The following TEAD1 variants were observed in gnomAD, a reference collection of about 807,000 sequenced individuals.
The protein encoded by TEAD1 is transcriptional enhancer factor TEF-1.
In TEAD1, 9 loss-of-function variants were observed where a neutral mutation model predicts 54.9. The ratio of observed to expected loss-of-function variants is 0.16; its 90% confidence interval spans 0.10 to 0.29. TEAD1 has a LOEUF of 0.29. Ranked by LOEUF, TEAD1 falls within the 10% of genes least tolerant of loss-of-function variation. The pLI is 1.00. For missense variants in TEAD1, 387 were observed against 535.9 expected (o/e 0.72, Z 2.74); for synonymous variants, 200 against 187.8 (o/e 1.07, Z -0.53).
At chr11:12,869,997 A>T (rs1947707500) in intron 5 of TEAD1, among the ~76,000 whole-genome samples, 1 of 152,070 alleles carries the variant, frequency 6.6e-6, no homozygotes, top group South Asian at 2.1e-4. Flanking sequence ...CTCCTGCCTC[A>T]GCCTCCCAAG....
At chr11:12,835,254 G>A (rs1170656810) in intron 3 of TEAD1, among the ~76,000 whole-genome samples, 1 of 152,172 alleles carries the variant, frequency 6.6e-6, no homozygotes, top group Non-Finnish European at 1.5e-5. Flanking sequence ...TGGTGATGCT[G>A]ATAGTTTATT....
intron 3 of TEAD1, among the ~76,000 whole-genome samples, chr11:12,809,704 C>T (rs547075308): frequency 2.0e-5 from 3 of 152,266 alleles, no homozygotes; most frequent in South Asian, 2.1e-4. Flanking sequence ...CAAAACGTAG[C>T]GTCCTGTGCT....
At chr11:12,801,303 GT>G (rs1290286985) in intron 3 of TEAD1, among the ~76,000 whole-genome samples, 1 of 152,186 alleles carries the variant, frequency 6.6e-6, no homozygotes, top group Non-Finnish European at 1.5e-5. Flanking sequence ...ACAGAGGAGG[GT>G]GCTAGGTTGG....
intron 9 of TEAD1, among the ~76,000 whole-genome samples, chr11:12,884,751 G>T (rs904036143): frequency 1.3e-5 from 2 of 152,194 alleles, no homozygotes; most frequent in African/African-American, 4.8e-5. Context: ...GACCAGGAAA[G>T]AGAAGAAAAG....
chr11:12,926,889 T>G (rs79021189), intron 11 of TEAD1, among the ~76,000 whole-genome samples: 2,318 of 152,260 alleles, frequency 0.015, 49 homozygotes, highest in African/African-American at 0.053. Context: ...TCCTCGCCTC[T>G]AAGAAGGAGG....
chr11:12,857,574 G>GTC (rs1370475349), intron 3 of TEAD1, among the ~76,000 whole-genome samples: 8 of 125,818 alleles, frequency 6.4e-5, no homozygotes, highest in African/African-American at 1.8e-4. Context: ...CTCTCTCTCT[G>GTC]TCTCTGTGTG....
chr11:12,776,790 A>G (rs1466869234), intron 3 of TEAD1, among the ~76,000 whole-genome samples: 2 of 120,474 alleles, frequency 1.7e-5, no homozygotes, highest in South Asian at 2.1e-4. Context: ...TATTATTATT[A>G]TTATTATTAT....
chr11:12,693,555 T>C (rs527241734), intron 2 of TEAD1, among the ~76,000 whole-genome samples: 2 of 152,350 alleles, frequency 1.3e-5, no homozygotes, highest in East Asian at 1.9e-4. Flanking sequence ...TTATCCACTT[T>C]TGGGAAGTTG....
At chr11:12,916,240 G>A (rs999990235) in intron 10 of TEAD1, among the ~76,000 whole-genome samples, 8 of 152,054 alleles carry the variant, frequency 5.3e-5, no homozygotes, top group African/African-American at 1.7e-4. Context: ...TACTCAATAC[G>A]TAAGACCCGT....
At chr11:12,853,106 C>G (rs1194208912) in intron 3 of TEAD1, among the ~76,000 whole-genome samples, 1 of 152,172 alleles carries the variant, frequency 6.6e-6, no homozygotes, top group Non-Finnish European at 1.5e-5. Flanking sequence ...CACTCCATGT[C>G]TAGCACATGT....
intron 3 of TEAD1, among the ~76,000 whole-genome samples, chr11:12,797,979 C>G (rs1311023875): frequency 1.3e-5 from 2 of 152,140 alleles, no homozygotes; most frequent in Admixed American, 6.5e-5. Context: ...TTGCCTGATA[C>G]CTGGATGAGT....
At chr11:12,895,894 T>C (rs1040830282) in intron 9 of TEAD1, among the ~76,000 whole-genome samples, 2 of 151,430 alleles carry the variant, frequency 1.3e-5, no homozygotes, top group Non-Finnish European at 2.9e-5. Context: ...CTTCTTAACA[T>C]AGAAGACTAC....
At chr11:12,762,215 G>T (rs1945116507) in intron 2 of TEAD1, among the ~76,000 whole-genome samples, 1 of 152,108 alleles carries the variant, frequency 6.6e-6, no homozygotes, top group African/African-American at 2.4e-5. Context: ...GTTTGTTTTT[G>T]TCTTTTTTTG....
chr11:12,889,842 C>T (rs1472153251), intron 9 of TEAD1, among the ~76,000 whole-genome samples: 1 of 152,128 alleles, frequency 6.6e-6, no homozygotes, highest in African/African-American at 2.4e-5. Context: ...CCATCTCAGC[C>T]TACCAAGTTG....
intron 9 of TEAD1, among the ~76,000 whole-genome samples, chr11:12,894,317 A>C (rs1948263700): frequency 6.6e-6 from 1 of 152,160 alleles, no homozygotes. Flanking sequence ...GCAGATGCTG[A>C]GGACTAGCAG....
chr11:12,772,700 A>G (rs907212242), intron 3 of TEAD1, among the ~76,000 whole-genome samples: 3 of 152,172 alleles, frequency 2.0e-5, no homozygotes, highest in Admixed American at 6.5e-5. Flanking sequence ...CATGTTGCCC[A>G]TTTCCCCCCA....
At chr11:12,803,789 A>G (rs966573957) in intron 3 of TEAD1, among the ~76,000 whole-genome samples, 20 of 152,352 alleles carry the variant, frequency 1.3e-4, no homozygotes, top group Admixed American at 9.8e-4. Context: ...ACGAGGCCCT[A>G]TTAAGTATTT....
At chr11:12,878,523 A>C (rs1320700997) in intron 5 of TEAD1, among the ~76,000 whole-genome samples, 1 of 152,170 alleles carries the variant, frequency 6.6e-6, no homozygotes, top group Admixed American at 6.5e-5. Context: ...TTATATGCCT[A>C]CGAGGCTCAA....
chr11:12,754,666 A>G (rs964746601), intron 2 of TEAD1, among the ~76,000 whole-genome samples: 1 of 152,206 alleles, frequency 6.6e-6, no homozygotes, highest in African/African-American at 2.4e-5. Context: ...GATGAAATCC[A>G]TTTGGATCCA....
Sources: gnomAD v4.1 joint callset for allele counts (sites outside exome capture counted in the v4.1 genomes callset) on GRCh38, gnomAD v4.1.1 for gene constraint, MANE v1.5 for transcripts, NCBI Gene and HGNC (gene_info 2026-07-23, HGNC 2026-07-21) for gene names.